CDH13: variants seen among roughly 807,000 people sequenced by gnomAD.
The protein encoded by CDH13 is cadherin-13.
Under a neutral mutation model 63.8 loss-of-function variants are expected in CDH13, and 24 were observed. That is an observed-to-expected ratio of 0.38 (90% CI 0.27 to 0.53). CDH13 has a LOEUF of 0.53. CDH13 is among the 20% of genes least tolerant of loss of function. CDH13 has a pLI of 0.85. For synonymous variants in CDH13, 503 were observed against 355.3 expected (o/e 1.42, Z -4.67); for missense variants, 1,049 against 903.1 (o/e 1.16, Z -2.07).
intron 10 of CDH13, among the ~76,000 whole-genome samples, chr16:83,718,546 C>A (rs1393981127): frequency 6.6e-6 from 1 of 152,104 alleles, no homozygotes; most frequent in Non-Finnish European, 1.5e-5. Context: ...GTGGAGATTT[C>A]TCATAACTGA....
At chr16:83,452,906 A>G (rs2072922487) in intron 6 of CDH13, among the ~76,000 whole-genome samples, 2 of 152,180 alleles carry the variant, frequency 1.3e-5, no homozygotes, top group Admixed American at 1.3e-4. Flanking sequence ...GCATTTCATT[A>G]GACTTAGACC....
chr16:83,096,163 A>G (rs1378794682), intron 3 of CDH13, among the ~76,000 whole-genome samples: 1 of 152,220 alleles, frequency 6.6e-6, no homozygotes, highest in Non-Finnish European at 1.5e-5. Context: ...AGCCTGTACC[A>G]GCTATCATTG....
chr16:82,632,109 A>T (rs1471287806), intron 1 of CDH13, among the ~76,000 whole-genome samples: 1 of 152,184 alleles, frequency 6.6e-6, no homozygotes, highest in South Asian at 2.1e-4. Flanking sequence ...ACATGGCCGT[A>T]CTTGACAGGG....
chr16:83,284,112 C>G (rs1431162379), intron 5 of CDH13, among the ~76,000 whole-genome samples: 1 of 152,194 alleles, frequency 6.6e-6, no homozygotes, highest in Non-Finnish European at 1.5e-5. Flanking sequence ...GCCTTATTAA[C>G]TAACTCATCC....
chr16:82,918,260 C>T (rs142063975), intron 2 of CDH13, among the ~76,000 whole-genome samples: 10 of 152,154 alleles, frequency 6.6e-5, no homozygotes, highest in African/African-American at 2.2e-4. Context: ...TAAGTGTATC[C>T]TACTGATTTA....
chr16:83,344,792 A>C, intron 5 of CDH13, 70 bp from the exon 6 acceptor site: 17 of 1,558,446 alleles, frequency 1.1e-5, no homozygotes, highest in Non-Finnish European at 1.4e-5. Flanking sequence ...TACTTTCTCT[A>C]GAGAACCTTA....
At chr16:82,726,239 G>C (rs1285324492) in intron 1 of CDH13, among the ~76,000 whole-genome samples, 2 of 152,094 alleles carry the variant, frequency 1.3e-5, no homozygotes, top group African/African-American at 4.8e-5. Flanking sequence ...GCAGGTGTTG[G>C]CAAACTTTTC....
chr16:83,730,526 T>C (rs1346822255), intron 10 of CDH13, among the ~76,000 whole-genome samples: 1 of 152,244 alleles, frequency 6.6e-6, no homozygotes, highest in Non-Finnish European at 1.5e-5. Flanking sequence ...CTTTTTAAAA[T>C]CACAATTCGA....
At chr16:82,823,085 AAG>A in intron 1 of CDH13, 1 of 152,422 alleles carries the variant, frequency 6.6e-6, no homozygotes, top group Admixed American at 6.5e-5. Context: ...TATGTTTTAC[AAG>A]TTGGCCTGAG....
intron 3 of CDH13, among the ~76,000 whole-genome samples, chr16:83,035,114 T>C (rs962832239): frequency 6.6e-6 from 1 of 151,332 alleles, no homozygotes; most frequent in Admixed American, 6.6e-5. Flanking sequence ...AAAAAGAAAA[T>C]GAAGGAAAAC....
At chr16:82,792,038 G>C (rs573291731) in intron 1 of CDH13, among the ~76,000 whole-genome samples, 1 of 152,282 alleles carries the variant, frequency 6.6e-6, no homozygotes, top group Non-Finnish European at 1.5e-5. Flanking sequence ...CATGGTTTTT[G>C]GCACCCGCTG....
At chr16:83,489,500 C>T (rs1178259000) in intron 7 of CDH13, among the ~76,000 whole-genome samples, 1 of 152,182 alleles carries the variant, frequency 6.6e-6, no homozygotes, top group African/African-American at 2.4e-5. Flanking sequence ...CAAGCTTTGG[C>T]TAGTTCCTTG....
At chr16:82,680,454 A>G (rs569452049) in intron 1 of CDH13, among the ~76,000 whole-genome samples, 1 of 151,484 alleles carries the variant, frequency 6.6e-6, no homozygotes, top group South Asian at 2.1e-4. Flanking sequence ...TCTTGTAGCA[A>G]TTGCTGTGTG....
intron 7 of CDH13, among the ~76,000 whole-genome samples, chr16:83,518,057 G>A (rs777531281): frequency 1.3e-5 from 2 of 152,176 alleles, no homozygotes; most frequent in Non-Finnish European, 2.9e-5. Context: ...TCATAGGAGG[G>A]ACCTGGTGGG....
intron 1 of CDH13, among the ~76,000 whole-genome samples, chr16:82,790,978 C>T (rs938513560): frequency 6.6e-6 from 1 of 152,224 alleles, no homozygotes; most frequent in African/African-American, 2.4e-5. Context: ...TGGCTCACGC[C>T]TGTAATCCCA....
chr16:83,570,759 ATT>A (rs1567773408), intron 7 of CDH13, among the ~76,000 whole-genome samples: 1 of 143,512 alleles, frequency 7.0e-6, no homozygotes, highest in East Asian at 2.0e-4. Context: ...AAAATTATAT[ATT>A]TATATATATG....
At chr16:82,641,233 C>T (rs1909357669) in intron 1 of CDH13, among the ~76,000 whole-genome samples, 1 of 152,196 alleles carries the variant, frequency 6.6e-6, no homozygotes, top group African/African-American at 2.4e-5. Flanking sequence ...CCCCTGCCGT[C>T]ATTAACTTCT....
At chr16:83,647,467 C>T (rs891348875) in intron 8 of CDH13, among the ~76,000 whole-genome samples, 1 of 152,120 alleles carries the variant, frequency 6.6e-6, no homozygotes, top group Non-Finnish European at 1.5e-5. Flanking sequence ...AGCAATGATG[C>T]TAGATGTTGG....
chr16:83,366,740 C>G (rs932520369), intron 6 of CDH13, among the ~76,000 whole-genome samples: 1 of 152,124 alleles, frequency 6.6e-6, no homozygotes. Context: ...TGACCTTCTC[C>G]TGACCTGTCT....
Sources: gnomAD v4.1 joint callset for allele counts (sites outside exome capture counted in the v4.1 genomes callset) on GRCh38, gnomAD v4.1.1 for gene constraint, MANE v1.5 for transcripts, NCBI Gene and HGNC (gene_info 2026-07-23, HGNC 2026-07-21) for gene names.